PCNX1: variants seen among roughly 807,000 people sequenced by gnomAD.
The protein encoded by PCNX1 is pecanex 1.
PCNX1 carries 78 observed loss-of-function variants against 242.2 expected under a neutral mutation model. The ratio of observed to expected loss-of-function variants is 0.32; its 90% confidence interval spans 0.27 to 0.39. PCNX1 has a LOEUF of 0.39. PCNX1 is among the 10% of genes least tolerant of loss of function. The probability of loss-of-function intolerance (pLI) is 1.00; values close to 1 mark genes in which losing one functional copy is unlikely to be tolerated. For synonymous variants in PCNX1, 1,024 were observed against 1,032.9 expected (o/e 0.99, Z 0.17); for missense variants, 2,581 against 2,856.5 (o/e 0.90, Z 2.20).
chr14:71,015,344 A>G (rs2059933738), intron 11 of PCNX1, among the ~76,000 whole-genome samples: 1 of 152,220 alleles, frequency 6.6e-6, no homozygotes. Context: ...TTAAGAGGTA[A>G]CTGTTTAAAT....
intron 9 of PCNX1, among the ~76,000 whole-genome samples, chr14:71,010,113 C>T (rs1328217867): frequency 6.6e-6 from 1 of 151,890 alleles, no homozygotes; most frequent in Non-Finnish European, 1.5e-5. Flanking sequence ...TTTCTAAAAA[C>T]TTAAGGTAGA....
intron 19 of PCNX1, among the ~76,000 whole-genome samples, chr14:71,041,398 C>A (rs2060700039): frequency 6.6e-6 from 1 of 152,000 alleles, no homozygotes; most frequent in South Asian, 2.1e-4. Context: ...GTCTGTTCAG[C>A]TTTTGGATTT....
At chr14:70,928,248 T>C (rs938855742) in intron 1 of PCNX1, among the ~76,000 whole-genome samples, 1 of 152,208 alleles carries the variant, frequency 6.6e-6, no homozygotes, top group African/African-American at 2.4e-5. Context: ...TATCCTGAAC[T>C]GGCATTTTGT....
chr14:71,065,579 C>T (rs1361744266), intron 26 of PCNX1, among the ~76,000 whole-genome samples: 3 of 152,182 alleles, frequency 2.0e-5, no homozygotes, highest in Non-Finnish European at 2.9e-5. Context: ...TGCCTGCTCA[C>T]TCTAATGATA....
intron 20 of PCNX1, among the ~76,000 whole-genome samples, chr14:71,046,389 G>A (rs1242145819): frequency 6.6e-6 from 1 of 151,784 alleles, no homozygotes; most frequent in East Asian, 1.9e-4. Context: ...GACATTTATA[G>A]TACTAACAGC....
chr14:71,098,553 T>TGTGAGAGAGAGAGAGA (rs60367565), intron 30 of PCNX1, among the ~76,000 whole-genome samples: 12 of 125,736 alleles, frequency 9.5e-5, no homozygotes, highest in African/African-American at 3.5e-4. Context: ...TGTGTGTGTG[T>TGTGAGAGAGAGAGAGA]GAGAGAGAGA....
rs35068772 is a variant in PCNX1, at chr14:70,994,396, G to GATATATATATATATATATATAT, written c.2445-1332_2445-1311dup. On this transcript the variant is annotated intron_variant, in intron 7 of 35. Coordinates refer to ENST00000304743, the MANE Select transcript of PCNX1 (RefSeq NM_014982.3). The stretch of plus-strand genomic sequence containing the variant: ...TCTATTATCATAACCACAGGCTTAA[G>GATATATATATATATATATATAT]ATATATATATATATATATATATATA... Among the ~76,000 whole-genome samples the GATATATATATATATATATATAT allele has an allele frequency of 3.8e-3, 366 of 96,740 alleles. 10 individuals carry two copies. Among genetic ancestry groups the GATATATATATATATATATATAT allele is most frequent in the South Asian group, 5.8e-3 (14 of 2,398 alleles). 63.5% of individuals were successfully genotyped at this position (96,740 alleles called of 152,430 possible).
intron 24 of PCNX1, 111 bp downstream of exon 24, chr14:71,052,123 T>G: frequency 1.3e-6 from 1 of 799,016 alleles, no homozygotes; most frequent in South Asian, 2.2e-5. Context: ...GTTGAAATAT[T>G]TATTTTTGCT....
At chr14:71,098,800 G>A (rs923485795) in intron 30 of PCNX1, among the ~76,000 whole-genome samples, 5 of 151,816 alleles carry the variant, frequency 3.3e-5, no homozygotes, top group African/African-American at 4.8e-5. Flanking sequence ...TTTTTTCCCC[G>A]CTGCCTGATT....
At chr14:70,983,331 G>A (rs2058898421) in intron 6 of PCNX1, among the ~76,000 whole-genome samples, 1 of 151,868 alleles carries the variant, frequency 6.6e-6, no homozygotes, top group Non-Finnish European at 1.5e-5. Context: ...TTGGGACGGA[G>A]TCTCACTCTA....
chr14:70,932,882 G>A (rs2056859197), intron 1 of PCNX1, among the ~76,000 whole-genome samples: 1 of 152,176 alleles, frequency 6.6e-6, no homozygotes, highest in African/African-American at 2.4e-5. Flanking sequence ...AAAGTGCTGA[G>A]ATTACAGGCT....
chr14:71,023,056 A>G, intron 12 of PCNX1, 144 bp from the exon 13 acceptor site: 1 of 657,112 alleles, frequency 1.5e-6, no homozygotes, highest in Non-Finnish European at 2.8e-6. Context: ...CTGATGTTTC[A>G]TCTCTGGAAC....
At position 71,018,543 on chromosome 14, in the gene PCNX1, C is replaced by T. The variant is rs1009035121; in HGVS notation, c.2997-466C>T. On this transcript the variant is annotated intron_variant, in intron 11 of 35. Transcript: ENST00000304743. ...TCAGATGACTGAGAGATGGGGGAAG[C>T]GAAATCAATTAGTGCCAGAATTTTG... 5.9e-5 allele frequency among the ~76,000 whole-genome samples: 9 copies of T among 151,960 alleles called. No individual in the cohort carries two copies. The South Asian group carries it at 6.2e-4, about 11-fold the overall frequency.
rs889934241 is a variant in PCNX1, at chr14:71,102,166, T to C, written c.5766T>C (p.Asn1922=). ...ALRHVMDDGT[N]EYKIIMLNRR... is the part of the protein sequence containing the mutation. ...GGCATGTCATGGATGATGGCACCAA[T>C]GAATATAAAATCATCATGCTCAACA... Residue 1922 remains asparagine (N), a synonymous_variant, in exon 31 of 36, where the codon AAT becomes AAC. Transcript: ENST00000304743. The C allele has an allele frequency of 6.2e-7, 1 of 1,613,948 alleles. No individual in the cohort carries two copies. Among genetic ancestry groups the C allele is most frequent in the Non-Finnish European group, 8.5e-7 (1 of 1,179,970 alleles).
rs2061935394 is a variant in PCNX1 at position 71,084,517 on chromosome 14, G to A, written c.5338-3813G>A. Among the ~76,000 whole-genome samples the A allele has an allele frequency of 2.0e-5, 3 of 152,196 alleles. No individual in the cohort carries two copies. In the South Asian group the frequency reaches 6.2e-4, roughly 32 times the overall value. On this transcript the variant is annotated intron_variant, in intron 28 of 35. Transcript: ENST00000304743. ...GTTTTATCTATAAGCCGCTGACTGG[G>A]GCTGCTGCCTTTCAGAGATGCCCTG... is the stretch of plus-strand genomic sequence containing the variant.
chr14:70,944,350 A>G (rs1264610281), intron 1 of PCNX1, among the ~76,000 whole-genome samples: 1 of 152,182 alleles, frequency 6.6e-6, no homozygotes, highest in Admixed American at 6.5e-5. Context: ...GAGTCAAAGG[A>G]GATCATTTCA....
rs143154004 is a variant in PCNX1 at position 70,976,957 on chromosome 14, G to A, written c.620G>A (p.Arg207Gln). The A allele has an allele frequency of 4.1e-3, 6,587 of 1,611,164 alleles. 19 individuals carry two copies. Among genetic ancestry groups the A allele is most frequent in the Middle Eastern group, 7.3e-3 (44 of 6,052 alleles). Residue 207 changes from arginine (R) to glutamine (Q), a missense_variant, in exon 6 of 36, where the codon CGG (arginine) becomes CAG (glutamine). This residue lies in a region of PCNX1 where 1,204 missense variants were observed against 1,216.7 expected (regional missense o/e 0.99). Transcript: ENST00000304743. ...TTTGAAACAGATTTGGCAGCTGATC[G>A]GAAGCTCTTTCGTCTTGTCTCCAAT... ...GSEEQDLAADRKLFRLVSNDS... is the reference protein window; with the variant it reads ...GSEEQDLAADQKLFRLVSNDS...
intron 2 of PCNX1, among the ~76,000 whole-genome samples, chr14:70,959,496 T>TG (rs1346284460): frequency 6.6e-6 from 1 of 151,136 alleles, no homozygotes; most frequent in Non-Finnish European, 1.5e-5. Context: ...TTTTTGTTCT[T>TG]GCGATAGTTT....
rs1312109067 is a variant in PCNX1, at chr14:71,108,847, G to T, written c.6545G>T (p.Gly2182Val). ...VNQMEPSGQS[G>V]LACVQHGLPS... is the part of the protein sequence containing the mutation. ...CAAATGGAACCCTCAGGTCAGAGCG[G>T]CCTGGCCTGTGTGCAGCACGGCCTG... Residue 2182 changes from glycine to valine, a missense_variant, in exon 34 of 36, where the codon GGC (glycine) becomes GTC (valine). This residue lies in a region of PCNX1 where 432 missense variants were observed against 433.6 expected (regional missense o/e 1.00). Transcript: ENST00000304743. 6.2e-7 allele frequency: 1 copy of T among 1,614,230 alleles called. No individual in the cohort carries two copies. The highest frequency in any genetic ancestry group is 1.7e-5 in the Admixed American group (1 of 60,026).
Sources: allele counts gnomAD v4.1 joint callset (sites outside exome capture counted in the v4.1 genomes callset), GRCh38; gene constraint gnomAD v4.1.1; regional missense constraint gnomAD v4.1.1; transcripts MANE v1.5; gene names NCBI Gene and HGNC (gene_info 2026-07-23, HGNC 2026-07-21).